The following LRRC7 variants were observed in gnomAD, a reference collection of about 807,000 sequenced individuals.
LRRC7 encodes the protein leucine rich repeat containing 7, also known as leucine-rich repeat-containing protein 7.
A neutral mutation model predicts 175.7 loss-of-function variants in LRRC7; 23 were observed. The ratio of observed to expected loss-of-function variants is 0.13; its 90% CI spans 0.09 to 0.19. The LOEUF (loss-of-function observed/expected upper bound fraction) is 0.19. LRRC7 is among the 10% of genes least tolerant of loss of function. The probability of loss-of-function intolerance (pLI) is 1.00; values close to 1 mark genes in which losing one functional copy is unlikely to be tolerated. For missense variants in LRRC7, 1,354 were observed against 1,904.7 expected (o/e 0.71, Z 5.38); for synonymous variants, 685 against 680.9 (o/e 1.01, Z -0.09).
intron 18 of LRRC7, 99 bp downstream of exon 18, chr1:70,028,470 T>G (rs1658361141): frequency 9.6e-7 from 1 of 1,041,970 alleles, no homozygotes; most frequent in Non-Finnish European, 1.4e-6. Flanking sequence ...AAGTGCATTT[T>G]TTTCCTAAAA....
intron 7 of LRRC7, among the ~76,000 whole-genome samples, chr1:69,872,603 A>G (rs1181726925): frequency 6.6e-6 from 1 of 152,096 alleles, no homozygotes. Context: ...TTGTTCTCAT[A>G]TATACATTTA....
chr1:69,844,849 T>C (rs181682303), intron 7 of LRRC7, among the ~76,000 whole-genome samples: 1 of 152,268 alleles, frequency 6.6e-6, no homozygotes, highest in East Asian at 1.9e-4. Flanking sequence ...TAGAAATATA[T>C]TTTCAAAGAT....
At chr1:69,578,797 TG>T (rs1407038869) in intron 1 of LRRC7, among the ~76,000 whole-genome samples, 1 of 54,314 alleles carries the variant, frequency 1.8e-5, no homozygotes, top group Non-Finnish European at 3.3e-5. Context: ...TGTTGTGGGG[TG>T]GGGGGAGGGG....
chr1:69,963,269 G>C lies in LRRC7; in HGVS notation c.712-17110G>C, dbSNP rs141445297. 4.1e-3 allele frequency among the ~76,000 whole-genome samples: 615 copies of C among 148,928 alleles called. 2 individuals are homozygous for C. Among genetic ancestry groups the C allele is most frequent in the Non-Finnish European group, 7.1e-3 (480 of 67,688 alleles). ...GCAGTGAGCTGAGATCTGGGCCACT[G>C]TACTCCAGCCTGGGTGACAGAGCAA... On this transcript the variant is annotated intron_variant, in intron 8 of 26. Transcript: ENST00000651989.
chr1:69,828,974 G>A (rs925028943), intron 5 of LRRC7, among the ~76,000 whole-genome samples: 3 of 151,830 alleles, frequency 2.0e-5, no homozygotes, highest in Non-Finnish European at 2.9e-5. Flanking sequence ...ATCTTAATTT[G>A]CCTATTCCAA....
chr1:69,711,816 A>G (rs974986176), intron 2 of LRRC7, among the ~76,000 whole-genome samples: 1 of 152,148 alleles, frequency 6.6e-6, no homozygotes, highest in Non-Finnish European at 1.5e-5. Flanking sequence ...CTTATACCCT[A>G]AGGACTTTTA....
At chr1:69,780,869 C>G (rs1312371398) in intron 3 of LRRC7, among the ~76,000 whole-genome samples, 4 of 152,250 alleles carry the variant, frequency 2.6e-5, no homozygotes, top group Admixed American at 2.6e-4. Context: ...CATATGGCAT[C>G]AATAAGCCTC....
rs144131033 is a variant in LRRC7, at chr1:69,685,756, G to T, written c.100+7278G>T. On this transcript the variant is annotated intron_variant, in intron 2 of 26. Transcript: ENST00000651989. The stretch of plus-strand genomic sequence containing the variant: ...AAAAATAATAACATATATAATATTT[G>T]TATCATCAGAGTCCCAGGAGAGGAG... 2.3e-3 allele frequency among the ~76,000 whole-genome samples: 348 copies of T among 152,120 alleles called. 1 individual carries two copies. Among genetic ancestry groups the T allele is most frequent in the African/African-American group, 7.9e-3 (329 of 41,528 alleles).
Position 69,616,042 on chromosome 1 carries a change from A to G in LRRC7, c.2+47401A>G, listed in dbSNP as rs544574003. The stretch of plus-strand genomic sequence containing the variant: ...GACAAGGCAAATTTTAAATGTGTTT[A>G]TCAAAGAAATTCAACAACTGTTTCT... On this transcript the variant is annotated intron_variant, in intron 1 of 26. Coordinates refer to ENST00000651989, the MANE Select transcript of LRRC7 (RefSeq NM_001370785.2). Among the ~76,000 whole-genome samples the G allele has an allele frequency of 2.0e-3, 304 of 152,206 alleles. 1 individual carries two copies. Among genetic ancestry groups the G allele is most frequent in the African/African-American group, 6.9e-3 (287 of 41,558 alleles).
At chr1:70,115,370 A>G (rs993482389) in intron 26 of LRRC7, among the ~76,000 whole-genome samples, 3 of 152,074 alleles carry the variant, frequency 2.0e-5, no homozygotes, top group African/African-American at 7.2e-5. Flanking sequence ...ATCGTTTTGT[A>G]TATCTCATAC....
intron 7 of LRRC7, among the ~76,000 whole-genome samples, chr1:69,905,036 A>T (rs1297563947): frequency 1.3e-5 from 2 of 152,104 alleles, no homozygotes; most frequent in Non-Finnish European, 1.5e-5. Context: ...ATGAAAAAGA[A>T]CTCAGTTATG....
intron 3 of LRRC7, among the ~76,000 whole-genome samples, chr1:69,784,531 A>T (rs567594891): frequency 6.6e-6 from 1 of 152,206 alleles, no homozygotes; most frequent in African/African-American, 2.4e-5. Flanking sequence ...TGCTTGCTTC[A>T]GTTCCTGTGT....
chr1:69,886,086 A>C (rs968669385), intron 7 of LRRC7, among the ~76,000 whole-genome samples: 6 of 151,102 alleles, frequency 4.0e-5, no homozygotes, highest in Admixed American at 6.6e-5. Context: ...AAAAAAATGT[A>C]TATTCTGTTG....
rs761794121 is a variant in LRRC7, at chr1:69,679,994, G to A, written c.100+1516G>A. ...TTTTGCACTACAAAGGAAGAATTGAGTAGTTGTGACAGAGACCATATGCCC... is the reference window on the plus strand; with the variant it reads ...TTTTGCACTACAAAGGAAGAATTGAATAGTTGTGACAGAGACCATATGCCC... On this transcript the variant is annotated intron_variant, in intron 2 of 26. Coordinates refer to ENST00000651989, the MANE Select transcript of LRRC7 (RefSeq NM_001370785.2). Among the ~76,000 whole-genome samples the A allele has an allele frequency of 1.4e-4, 22 of 152,114 alleles. 1 individual carries two copies. The highest frequency in any genetic ancestry group is 2.9e-4 in the Non-Finnish European group (20 of 68,016).
chr1:69,650,539 CAA>C (rs574357981), intron 1 of LRRC7, among the ~76,000 whole-genome samples: 5 of 79,196 alleles, frequency 6.3e-5, no homozygotes, highest in Non-Finnish European at 7.1e-5. Flanking sequence ...GACTCCGTCT[CAA>C]AAAAAAAAAA....
chr1:69,746,924 C>G (rs906066495), intron 2 of LRRC7, among the ~76,000 whole-genome samples: 1 of 152,140 alleles, frequency 6.6e-6, no homozygotes, highest in African/African-American at 2.4e-5. Flanking sequence ...CTGTTGGCTA[C>G]TTTTGAGGGC....
chr1:69,839,165 C>T, intron 7 of LRRC7: 1 of 168,574 alleles, frequency 5.9e-6, no homozygotes, highest in Non-Finnish European at 1.3e-5. Context: ...AATCCTTTTC[C>T]TAAGCAAACT....
chr1:70,101,023 A>G (rs1664766180), intron 25 of LRRC7, among the ~76,000 whole-genome samples: 2 of 152,154 alleles, frequency 1.3e-5, no homozygotes, highest in Admixed American at 1.3e-4. Flanking sequence ...ATAATCATAG[A>G]GACTAAGTAA....
chr1:70,082,813 G>T (rs1213494537), intron 24 of LRRC7, among the ~76,000 whole-genome samples: 27 of 1,620 alleles, frequency 0.017, no homozygotes, highest in South Asian at 0.058. Context: ...TTTTTTTTTT[G>T]AGACAAAGCC....
Sources: gnomAD v4.1 joint callset for allele counts (sites outside exome capture counted in the v4.1 genomes callset) on GRCh38, gnomAD v4.1.1 for gene constraint, MANE v1.5 for transcripts, NCBI Gene and HGNC (gene_info 2026-07-23, HGNC 2026-07-21) for gene names.